The following PPM1H variants were observed in gnomAD, a reference collection of about 807,000 sequenced individuals.
PPM1H encodes protein phosphatase, Mg2+/Mn2+ dependent 1H, also known as protein phosphatase 1H.
Under a neutral mutation model 54.9 loss-of-function variants are expected in PPM1H, and 27 were observed. The ratio of observed to expected loss-of-function variants is 0.49; its 90% confidence interval spans 0.36 to 0.68. The LOEUF (loss-of-function observed/expected upper bound fraction) is 0.68, where lower values mean the gene tolerates loss of function less well. Among genes scored for constraint, PPM1H ranks in the 30% least tolerant of loss-of-function variants. The pLI is 0.00. For synonymous variants in PPM1H, 305 were observed against 270.8 expected (o/e 1.13, Z -1.24); for missense variants, 596 against 667.8 (o/e 0.89, Z 1.19).
intron 1 of PPM1H, among the ~76,000 whole-genome samples, chr12:62,890,406 A>C (rs1870742105): frequency 6.6e-6 from 1 of 152,176 alleles, no homozygotes; most frequent in African/African-American, 2.4e-5. Flanking sequence ...TGCAGTGAAC[A>C]ATGATCGTGC....
At chr12:62,740,998 C>T (rs375639083) in intron 4 of PPM1H, among the ~76,000 whole-genome samples, 124 of 152,336 alleles carry the variant, frequency 8.1e-4, no homozygotes, top group African/African-American at 2.8e-3. Context: ...CGGCCTGGAA[C>T]AGCCAACTGC....
intron 1 of PPM1H, among the ~76,000 whole-genome samples, chr12:62,925,022 G>A (rs988104725): frequency 9.9e-5 from 15 of 152,070 alleles, no homozygotes; most frequent in African/African-American, 9.7e-5. Context: ...CAGCCTGAGC[G>A]ACAGAGCAAG....
At chr12:62,824,657 T>C (rs892625983) in intron 2 of PPM1H, among the ~76,000 whole-genome samples, 3 of 152,178 alleles carry the variant, frequency 2.0e-5, no homozygotes, top group African/African-American at 7.2e-5. Flanking sequence ...GGGAAAGGAT[T>C]CCCTATTTAA....
Position 62,857,893 on chromosome 12 carries a change from G to A in PPM1H, c.246-25614C>T, listed in dbSNP as rs138112857. On this transcript the variant is annotated intron_variant, in intron 1 of 9. Coordinates refer to ENST00000228705, the MANE Select transcript of PPM1H (RefSeq NM_020700.2). Reference sequence around the variant, plus strand: ...TCTTTGTGAGGGTTTCATGAGGGCAGTCATGCACCCAGGTCAGCGCCTTGC... The same window carrying A: ...TCTTTGTGAGGGTTTCATGAGGGCAATCATGCACCCAGGTCAGCGCCTTGC... Among the ~76,000 whole-genome samples the A allele has an allele frequency of 3.2e-3, 491 of 152,292 alleles. 1 individual carries two copies. The highest frequency in any genetic ancestry group is 0.011 in the African/African-American group (459 of 41,556).
At chr12:62,912,067 A>T (rs1023685547) in intron 1 of PPM1H, among the ~76,000 whole-genome samples, 3 of 152,196 alleles carry the variant, frequency 2.0e-5, no homozygotes, top group African/African-American at 4.8e-5. Context: ...CCTTTCAATT[A>T]AAAAAGAAAA....
rs112532542 is a variant in PPM1H at position 62,793,632 on chromosome 12, G to C, written c.757-5294C>G. On this transcript the variant is annotated intron_variant, in intron 3 of 9. Transcript: ENST00000228705. ...CCAGCTACTCGGGAGGTTGAGGCAG[G>C]AGAATTGCTTGAACCCGGGAGGTGG... Among the ~76,000 whole-genome samples the C allele has an allele frequency of 6.2e-3, 942 of 151,198 alleles. 8 individuals carry two copies. Among genetic ancestry groups the C allele is most frequent in the African/African-American group, 0.021 (880 of 41,174 alleles).
chr12:62,655,891 A>C (rs1336701499), intron 9 of PPM1H, among the ~76,000 whole-genome samples: 2 of 152,210 alleles, frequency 1.3e-5, no homozygotes, highest in Non-Finnish European at 2.9e-5. Context: ...TGAAGCTTTC[A>C]ATATTTATCA....
chr12:62,891,033 C>A (rs1870776359), intron 1 of PPM1H, among the ~76,000 whole-genome samples: 1 of 142,392 alleles, frequency 7.0e-6, no homozygotes, highest in Middle Eastern at 4.0e-3. Context: ...CGCTTGATCC[C>A]AGGAGGTGGA....
chr12:62,914,259 A>T (rs1019534171), intron 1 of PPM1H, among the ~76,000 whole-genome samples: 1 of 152,188 alleles, frequency 6.6e-6, no homozygotes, highest in Admixed American at 6.5e-5. Context: ...TGACCTCTGC[A>T]CATGCTGGCT....
At chr12:62,717,182 AAGGGCTTTTCTTC>A (rs1482455832) in intron 6 of PPM1H, among the ~76,000 whole-genome samples, 1 of 152,178 alleles carries the variant, frequency 6.6e-6, no homozygotes, top group Admixed American at 6.5e-5. Context: ...CAAAGATGTA[AAGGGCTTTTCTTC>A]AACTTAAGTC....
chr12:62,727,191 CCACCATG>C (rs1396043387), intron 5 of PPM1H, among the ~76,000 whole-genome samples: 3 of 152,164 alleles, frequency 2.0e-5, no homozygotes, highest in Non-Finnish European at 4.4e-5. Context: ...CAGCCATGAG[CCACCATG>C]CCCGGCCATG....
intron 5 of PPM1H, among the ~76,000 whole-genome samples, chr12:62,732,477 A>G (rs1436463325): frequency 6.6e-6 from 1 of 152,260 alleles, no homozygotes; most frequent in Non-Finnish European, 1.5e-5. Flanking sequence ...CACTAGCAAG[A>G]AAAGCATTTA....
At chr12:62,855,424 A>C (rs1869347857) in intron 1 of PPM1H, among the ~76,000 whole-genome samples, 1 of 152,198 alleles carries the variant, frequency 6.6e-6, no homozygotes, top group Non-Finnish European at 1.5e-5. Context: ...AGAGAGGATT[A>C]TCTCTGAGGC....
intron 1 of PPM1H, among the ~76,000 whole-genome samples, chr12:62,887,994 G>A (rs992050215): frequency 6.6e-6 from 1 of 152,202 alleles, no homozygotes; most frequent in Admixed American, 6.5e-5. Flanking sequence ...ATGCAAGCAT[G>A]AGCGACATGA....
intron 1 of PPM1H, among the ~76,000 whole-genome samples, chr12:62,856,496 C>T (rs1210583467): frequency 6.6e-6 from 1 of 151,958 alleles, no homozygotes; most frequent in African/African-American, 2.4e-5. Flanking sequence ...GATGGTACAT[C>T]CAATGTATTA....
chr12:62,888,345 G>A (rs1870665567), intron 1 of PPM1H, among the ~76,000 whole-genome samples: 1 of 152,152 alleles, frequency 6.6e-6, no homozygotes, highest in Non-Finnish European at 1.5e-5. Context: ...TCGTCCAGTA[G>A]TTGTTTCAGT....
chr12:62,733,957 G>A lies in PPM1H; in HGVS notation c.954+3545C>T, dbSNP rs543567257. 7.2e-5 allele frequency among the ~76,000 whole-genome samples: 11 copies of A among 152,122 alleles called. No homozygotes were observed. In the East Asian group the frequency reaches 1.4e-3, roughly 19 times the overall value. The stretch of plus-strand genomic sequence containing the variant: ...GCAGGCCAGTGGGATCTTTGCTACC[G>A]ACTGAATGTATCTCCCCAAAACTCA... On this transcript the variant is annotated intron_variant, in intron 5 of 9. Coordinates refer to ENST00000228705, the MANE Select transcript of PPM1H (RefSeq NM_020700.2).
At chr12:62,891,191 G>T (rs1258057297) in intron 1 of PPM1H, among the ~76,000 whole-genome samples, 1 of 147,306 alleles carries the variant, frequency 6.8e-6, no homozygotes, top group Non-Finnish European at 1.5e-5. Context: ...TCATAATCTT[G>T]TTACACACTC....
At chr12:62,758,719 T>C (rs1219360483) in intron 4 of PPM1H, among the ~76,000 whole-genome samples, 6 of 152,358 alleles carry the variant, frequency 3.9e-5, no homozygotes, top group Non-Finnish European at 8.8e-5. Context: ...AGACAGGAAC[T>C]ATCTGAGAGC....
Sources: gnomAD v4.1 joint callset for allele counts (sites outside exome capture counted in the v4.1 genomes callset) on GRCh38, gnomAD v4.1.1 for gene constraint, MANE v1.5 for transcripts, NCBI Gene and HGNC (gene_info 2026-07-23, HGNC 2026-07-21) for gene names.